The following TAS2R1 variants were observed in gnomAD, a reference collection of about 807,000 sequenced individuals.
TAS2R1 encodes taste 2 receptor member 1, also known as taste receptor type 2 member 1.
For synonymous variants in TAS2R1, 141 were observed against 134.2 expected, an observed-to-expected ratio of 1.05 and a Z score of -0.35; for missense variants, 370 against 353.4, an observed-to-expected ratio of 1.05 and a Z score of -0.38.
chr5:9,773,985 T>C, the TAS2R1 span, among the ~76,000 whole-genome samples: 2,473 of 152,300 alleles, frequency 0.016, 60 homozygotes, highest in African/African-American at 0.054. Context: ...TTTCTGTTAT[T>C]ACCCTGTTGA....
rs1739815216 is a variant in TAS2R1, at chr5:9,629,151, G to A, written c.882C>T (p.His294=). ...LKQNAKKFLL[H]SKCCQ ...TTCTCTCTCACTGACAGCACTTACT[G>A]TGGAGGAGGAACTTTTTTGCATTTT... Residue 294 remains histidine (H), a synonymous_variant, in exon 1 of 1, where the codon CAC becomes CAT. Transcript: ENST00000382492. The A allele has an allele frequency of 6.4e-7, 1 of 1,570,392 alleles. No individual in the cohort carries two copies. Among genetic ancestry groups the A allele is most frequent in the Admixed American group, 1.9e-5 (1 of 52,712 alleles).
chr5:9,647,438 A>T (rs1468721145), intron 2 of TAS2R1, among the ~76,000 whole-genome samples: 2 of 152,182 alleles, frequency 1.3e-5, no homozygotes, highest in Admixed American at 6.5e-5. Flanking sequence ...GCTTTTGAGG[A>T]GAGCTGTGCA....
the TAS2R1 span, among the ~76,000 whole-genome samples, chr5:9,828,050 G>T: frequency 1.2e-4 from 19 of 152,066 alleles, no homozygotes; most frequent in African/African-American, 4.6e-4. Context: ...CCTCTACCTA[G>T]AATATTACTT....
At chr5:9,876,459 C>T in the TAS2R1 span, among the ~76,000 whole-genome samples, 5 of 152,050 alleles carry the variant, frequency 3.3e-5, no homozygotes, top group South Asian at 2.1e-4. Context: ...TGTTCTCTTG[C>T]GAATTTGGCT....
the TAS2R1 span, among the ~76,000 whole-genome samples, chr5:9,809,404 G>A: frequency 3.7e-4 from 57 of 152,218 alleles, no homozygotes; most frequent in African/African-American, 1.3e-3. Context: ...GTCTTTGGGA[G>A]GTGATTAGGT....
the TAS2R1 span, among the ~76,000 whole-genome samples, chr5:9,761,215 C>A: frequency 6.6e-6 from 1 of 152,140 alleles, no homozygotes; most frequent in Non-Finnish European, 1.5e-5. Context: ...GGTTGTGACC[C>A]AACTGAGGAG....
chr5:9,683,815 AG>A (rs1251264226), intron 1 of TAS2R1, among the ~76,000 whole-genome samples: 1 of 152,170 alleles, frequency 6.6e-6, no homozygotes, highest in Non-Finnish European at 1.5e-5. Flanking sequence ...CCCAAAACAT[AG>A]CTGTGTGTAG....
At chr5:9,880,975 G>A in the TAS2R1 span, among the ~76,000 whole-genome samples, 2 of 152,106 alleles carry the variant, frequency 1.3e-5, no homozygotes. Context: ...TGATGTCCCT[G>A]GGACTGAGCC....
At chr5:9,641,684 T>C (rs1740088555) in intron 2 of TAS2R1, among the ~76,000 whole-genome samples, 1 of 152,260 alleles carries the variant, frequency 6.6e-6, no homozygotes, top group Admixed American at 6.5e-5. Context: ...GCCACAGATG[T>C]TGGTCATGCT....
At chr5:9,755,194 C>A in the TAS2R1 span, among the ~76,000 whole-genome samples, 1 of 152,088 alleles carries the variant, frequency 6.6e-6, no homozygotes, top group African/African-American at 2.4e-5. Flanking sequence ...AGAAAAGAGT[C>A]CCGATCCAGA....
At chr5:9,850,472 G>A in the TAS2R1 span, among the ~76,000 whole-genome samples, 1 of 152,252 alleles carries the variant, frequency 6.6e-6, no homozygotes. Context: ...GTGATGGCAT[G>A]CAGCAGAATC....
the TAS2R1 span, among the ~76,000 whole-genome samples, chr5:9,848,859 G>T: frequency 6.6e-6 from 1 of 152,164 alleles, no homozygotes; most frequent in African/African-American, 2.4e-5. Context: ...GTTTTTGCCT[G>T]CAACTAATAT....
chr5:9,720,531 G>A, the TAS2R1 span, among the ~76,000 whole-genome samples: 3 of 152,230 alleles, frequency 2.0e-5, no homozygotes, highest in East Asian at 1.9e-4. Context: ...CAAGCCTAAC[G>A]CCAAGGGGAA....
chr5:9,791,841 G>C, the TAS2R1 span, among the ~76,000 whole-genome samples: 1 of 152,172 alleles, frequency 6.6e-6, no homozygotes, highest in African/African-American at 2.4e-5. Context: ...TTCCAATGTA[G>C]AGGACGCATG....
At chr5:9,846,312 C>A in the TAS2R1 span, among the ~76,000 whole-genome samples, 1 of 152,152 alleles carries the variant, frequency 6.6e-6, no homozygotes, top group African/African-American at 2.4e-5. Context: ...TCTTTCTGAG[C>A]AAGAGAAAAG....
At chr5:9,704,061 C>G (rs1251144496) in intron 1 of TAS2R1, among the ~76,000 whole-genome samples, 1 of 152,114 alleles carries the variant, frequency 6.6e-6, no homozygotes, top group African/African-American at 2.4e-5. Flanking sequence ...TTTGACTGCA[C>G]TATGTTGCAC....
At chr5:9,697,661 G>T (rs1052522974) in intron 1 of TAS2R1, among the ~76,000 whole-genome samples, 1 of 152,034 alleles carries the variant, frequency 6.6e-6, no homozygotes, top group Non-Finnish European at 1.5e-5. Flanking sequence ...GAAAAACTAA[G>T]AATCCTTCTA....
intron 1 of TAS2R1, among the ~76,000 whole-genome samples, chr5:9,672,312 G>T (rs112426573): frequency 6.6e-6 from 1 of 151,826 alleles, no homozygotes; most frequent in African/African-American, 2.4e-5. Context: ...AAGAGCTTCC[G>T]CATACAAAAC....
At chr5:9,667,316 A>G (rs1740654738) in intron 1 of TAS2R1, among the ~76,000 whole-genome samples, 1 of 152,184 alleles carries the variant, frequency 6.6e-6, no homozygotes, top group African/African-American at 2.4e-5. Flanking sequence ...TTTACCTGTT[A>G]GAGCTTCCAG....
Sources: allele counts gnomAD v4.1 joint callset (sites outside exome capture counted in the v4.1 genomes callset), GRCh38; gene constraint gnomAD v4.1.1; transcripts MANE v1.5; gene names NCBI Gene and HGNC (gene_info 2026-07-23, HGNC 2026-07-21).